Variants in JAK1 observed in about 807,000 individuals in gnomAD.
JAK1 encodes the protein tyrosine-protein kinase JAK1.
In JAK1, 16 loss-of-function variants were observed where a neutral mutation model predicts 136.6. That is an observed-to-expected ratio of 0.12 (90% CI 0.08 to 0.18). The LOEUF is 0.18. Among genes scored for constraint, JAK1 ranks in the 10% least tolerant of loss-of-function variants. JAK1 has a pLI of 1.00. For synonymous variants in JAK1, 492 were observed against 519.5 expected (o/e 0.95, Z 0.72); for missense variants, 859 against 1,450.1 (o/e 0.59, Z 6.62).
chr1:64,911,434 T>C (rs1467745203), intron 1 of JAK1, among the ~76,000 whole-genome samples: 1 of 152,242 alleles, frequency 6.6e-6, no homozygotes, highest in Non-Finnish European at 1.5e-5. Context: ...TTTACATTCC[T>C]ATCACATACA....
At chr1:64,954,830 G>A (rs2375550) in intron 1 of JAK1, among the ~76,000 whole-genome samples, 149,010 of 152,340 alleles carry the variant, frequency 0.98, 72,943 homozygotes, top group East Asian at 1. Flanking sequence ...GGCAAATAAC[G>A]TATCTTTGAG....
In JAK1 at chr1:64,983,673, T is replaced by C. The variant is rs1170372608; in HGVS notation, c.-78+60807A>G. Among the ~76,000 whole-genome samples the C allele has an allele frequency of 2.6e-5, 4 of 152,316 alleles. No homozygotes were observed. The East Asian group carries it at 7.7e-4, about 29-fold the overall frequency. On this transcript the variant is annotated intron_variant, in intron 2 of 25. Transcript: ENST00000671954. ...AAGGGGAAGGAGTTGTTTGGTCCAG[T>C]GAGAAGGAACAGGCTTTCTAGAAAT...
intron 1 of JAK1, among the ~76,000 whole-genome samples, chr1:64,956,282 T>C (rs193072207): frequency 9.2e-5 from 14 of 152,300 alleles, no homozygotes; most frequent in African/African-American, 2.4e-4. Context: ...ATTATGATGA[T>C]GGGTCAGAAA....
At chr1:64,994,974 A>AAAAAAAAAAAAAAAC (rs1557749011) in intron 2 of JAK1, 2 of 151,526 alleles carry the variant, frequency 1.3e-5, no homozygotes, top group African/African-American at 4.9e-5. Context: ...AAAAAAAAAA[A>AAAAAAAAAAAAAAAC]AAAAAAACCT....
At chr1:64,881,021 A>C (rs1222051995) in intron 3 of JAK1, among the ~76,000 whole-genome samples, 1 of 151,944 alleles carries the variant, frequency 6.6e-6, no homozygotes, top group African/African-American at 2.4e-5. Context: ...GTAATCCCAA[A>C]ACTTCAGGAG....
Position 64,879,060 on chromosome 1 carries a change from A to G in JAK1, c.294T>C (p.Asp98=), listed in dbSNP as rs777493681. Residue 98 remains aspartate, a synonymous_variant, in exon 4 of 25, where the codon GAT becomes GAC. Coordinates refer to ENST00000342505, the MANE Select transcript of JAK1 (RefSeq NM_002227.4). ...WYAPNRTITV[D]DKMSLRLHYR... is the part of the protein sequence containing the mutation. ...AGTGGAGCCGGAGGGACATCTTGTC[A>G]TCAACGGTGATGGTGCGATTTGGAG... is the stretch of plus-strand genomic sequence containing the variant. 3.1e-6 allele frequency: 5 copies of G among 1,614,096 alleles called. No homozygotes were observed. Among genetic ancestry groups the G allele is most frequent in the Non-Finnish European group, 4.2e-6 (5 of 1,179,984 alleles).
chr1:65,023,487 C>G (rs1646953493), intron 2 of JAK1, among the ~76,000 whole-genome samples: 1 of 152,080 alleles, frequency 6.6e-6, no homozygotes, highest in African/African-American at 2.4e-5. Flanking sequence ...AGTCAAACCC[C>G]CTTTCCTTCT....
chr1:64,851,666 T>C (rs1024522604), intron 11 of JAK1, among the ~76,000 whole-genome samples: 1 of 152,168 alleles, frequency 6.6e-6, no homozygotes, highest in Non-Finnish European at 1.5e-5. Context: ...CTACAATCCA[T>C]AGAAATCACC....
At chr1:65,015,900 A>T (rs1456920624) in intron 2 of JAK1, among the ~76,000 whole-genome samples, 1 of 152,234 alleles carries the variant, frequency 6.6e-6, no homozygotes, top group Non-Finnish European at 1.5e-5. Flanking sequence ...CTTGTATACC[A>T]GTGTTCATTG....
At chr1:64,880,966 T>C (rs1012258511) in intron 3 of JAK1, among the ~76,000 whole-genome samples, 5 of 151,932 alleles carry the variant, frequency 3.3e-5, no homozygotes, top group South Asian at 4.2e-4. Flanking sequence ...AACAAATAAA[T>C]AAATAAATAA....
chr1:64,990,925 A>G (rs1179497967), intron 2 of JAK1: 1 of 144,552 alleles, frequency 6.9e-6, no homozygotes, highest in African/African-American at 2.6e-5. Context: ...GTCTCAAAAA[A>G]AAAAAAAAAA....
intron 1 of JAK1, among the ~76,000 whole-genome samples, chr1:64,940,659 G>A (rs1298707618): frequency 6.6e-6 from 1 of 152,124 alleles, no homozygotes; most frequent in East Asian, 1.9e-4. Flanking sequence ...AGGTTAAGAC[G>A]GGTTTACTGT....
chr1:64,957,939 G>A (rs1293478860), intron 1 of JAK1, among the ~76,000 whole-genome samples: 1 of 33,586 alleles, frequency 3.0e-5, no homozygotes, highest in Non-Finnish European at 6.6e-5. Context: ...GCGAGACTCC[G>A]TCTCAAAAAA....
intron 2 of JAK1, among the ~76,000 whole-genome samples, chr1:65,007,281 C>A (rs1646811088): frequency 6.6e-6 from 1 of 152,224 alleles, no homozygotes; most frequent in African/African-American, 2.4e-5. Context: ...CAGACTTGGT[C>A]TCTTGTCTTC....
At chr1:65,040,752 A>G (rs898150082) in intron 2 of JAK1, among the ~76,000 whole-genome samples, 1 of 152,184 alleles carries the variant, frequency 6.6e-6, no homozygotes, top group Non-Finnish European at 1.5e-5. Context: ...AAACATTTAT[A>G]GAACACCTAT....
chr1:65,059,542 C>T (rs1176326095), intron 1 of JAK1, among the ~76,000 whole-genome samples: 1 of 152,100 alleles, frequency 6.6e-6, no homozygotes, highest in Non-Finnish European at 1.5e-5. Flanking sequence ...CTTCAGAATA[C>T]CTTTTTAAAA....
intron 1 of JAK1, chr1:65,066,574 A>T (rs1019536114): frequency 6.6e-6 from 1 of 151,212 alleles, no homozygotes; most frequent in Non-Finnish European, 1.5e-5. Flanking sequence ...GGTGCAAGCT[A>T]AAAATGCCAC....
intron 1 of JAK1, among the ~76,000 whole-genome samples, chr1:64,938,720 A>G (rs571604478): frequency 6.6e-6 from 1 of 152,350 alleles, no homozygotes; most frequent in South Asian, 2.1e-4. Context: ...TTTCTCAACT[A>G]AAAGTAGAGT....
intron 2 of JAK1, chr1:64,993,098 CATA>C (rs1302904694): frequency 2.0e-5 from 3 of 152,174 alleles, no homozygotes; most frequent in Non-Finnish European, 4.4e-5. Context: ...GAATGCAGAA[CATA>C]ATCTCTTCTT....
Sources: gnomAD v4.1 joint callset for allele counts (sites outside exome capture counted in the v4.1 genomes callset) on GRCh38, gnomAD v4.1.1 for gene constraint, MANE v1.5 for transcripts, NCBI Gene and HGNC (gene_info 2026-07-23, HGNC 2026-07-21) for gene names.